Variants in OPRM1 observed in about 807,000 individuals in gnomAD.
The protein encoded by OPRM1 is mu-type opioid receptor.
In OPRM1, 27 loss-of-function variants were observed where a neutral mutation model predicts 31.8. The observed-to-expected ratio is 0.85, with a 90% confidence interval of 0.63 to 1.17. OPRM1 has a LOEUF of 1.17. Ranked by LOEUF, OPRM1 falls within the 50% of genes most tolerant of loss-of-function variation. OPRM1 has a pLI of 0.00. For missense variants in OPRM1, 536 were observed against 511.1 expected (o/e 1.05, Z -0.47); for synonymous variants, 196 against 189.9 (o/e 1.03, Z -0.26).
intron 1 of OPRM1, among the ~76,000 whole-genome samples, chr6:154,080,120 A>G (rs1027645162): frequency 2.6e-5 from 4 of 152,140 alleles, no homozygotes; most frequent in African/African-American, 9.7e-5. Context: ...TCTCATTTAA[A>G]TGTTTAAGAT....
chr6:154,095,609 G>A (rs1289763288), intron 3 of OPRM1, among the ~76,000 whole-genome samples: 7 of 152,126 alleles, frequency 4.6e-5, no homozygotes, highest in South Asian at 4.2e-4. Context: ...TTTCTAACGC[G>A]TACTTTTGAT....
chr6:154,180,040 G>A (rs1421667023), intron 3 of OPRM1, among the ~76,000 whole-genome samples: 2 of 152,174 alleles, frequency 1.3e-5, no homozygotes, highest in Non-Finnish European at 2.9e-5. Context: ...GTCATTGGAA[G>A]AGAAAGCAAC....
chr6:154,151,881 A>T (rs1798507644), intron 3 of OPRM1, among the ~76,000 whole-genome samples: 1 of 152,122 alleles, frequency 6.6e-6, no homozygotes, highest in African/African-American at 2.4e-5. Context: ...GAAGAGAAAC[A>T]ACAAATAGAG....
chr6:154,106,047 T>C (rs1045685725), intron 3 of OPRM1, among the ~76,000 whole-genome samples: 5 of 152,204 alleles, frequency 3.3e-5, no homozygotes, highest in Non-Finnish European at 5.9e-5. Flanking sequence ...TAATACCCCC[T>C]TTTAGCCAAT....
chr6:154,195,081 A>G (rs1304176885), intron 3 of OPRM1, among the ~76,000 whole-genome samples: 1 of 150,868 alleles, frequency 6.6e-6, no homozygotes, highest in Non-Finnish European at 1.5e-5. Context: ...AAACCTTCTT[A>G]TGTCCTGTCT....
At chr6:154,236,181 T>C (rs1033474718) in intron 3 of OPRM1, among the ~76,000 whole-genome samples, 7 of 152,136 alleles carry the variant, frequency 4.6e-5, no homozygotes, top group African/African-American at 1.7e-4. Context: ...AAACAAAATG[T>C]GGTACACACA....
chr6:154,019,280 ATGCAGAGAATT>A (rs1778200904), intron 1 of OPRM1, among the ~76,000 whole-genome samples: 1 of 151,560 alleles, frequency 6.6e-6, no homozygotes, highest in Non-Finnish European at 1.5e-5. Flanking sequence ...AGAGCAGAAA[ATGCAGAGAATT>A]TCCATATGAC....
In OPRM1 at chr6:154,130,242, C is replaced by T. The variant is rs1797819667; in HGVS notation, c.*11521C>T. Among the ~76,000 whole-genome samples, 1 of 149,846 alleles carries T rather than the reference C, an allele frequency of 6.7e-6. No homozygotes were observed. The highest frequency in any genetic ancestry group is 1.5e-5 in the Non-Finnish European group (1 of 67,704). On this transcript the variant is annotated 3_prime_UTR_variant, in exon 4 of 4. Transcript: ENST00000330432. Reference sequence around the variant, plus strand: ...GGAGTGCAGTGGCTCAATCTTGGCTCACTGCAACCTCTGCCTCCCGGGTTC... The same window carrying T: ...GGAGTGCAGTGGCTCAATCTTGGCTTACTGCAACCTCTGCCTCCCGGGTTC...
intron 1 of OPRM1, among the ~76,000 whole-genome samples, chr6:154,062,743 A>G (rs548826640): frequency 2.6e-5 from 4 of 152,190 alleles, no homozygotes; most frequent in African/African-American, 9.6e-5. Context: ...TTTTCCATCA[A>G]TTGGTCCTAA....
intron 1 of OPRM1, among the ~76,000 whole-genome samples, chr6:154,016,400 G>A (rs1778005732): frequency 2.0e-5 from 3 of 152,048 alleles, no homozygotes; most frequent in Admixed American, 2.0e-4. Flanking sequence ...TGTGTAGTGT[G>A]ACAACAATTA....
At chr6:154,198,823 G>C (rs1428555071) in intron 3 of OPRM1, among the ~76,000 whole-genome samples, 1 of 152,132 alleles carries the variant, frequency 6.6e-6, no homozygotes, top group African/African-American at 2.4e-5. Flanking sequence ...ACTCTGGCAA[G>C]TGATTATGAG....
chr6:154,188,095 T>C (rs1480121894), intron 3 of OPRM1, among the ~76,000 whole-genome samples: 1 of 152,196 alleles, frequency 6.6e-6, no homozygotes, highest in East Asian at 1.9e-4. Flanking sequence ...TTTGTAGAAA[T>C]ATGATCATAT....
intron 3 of OPRM1, among the ~76,000 whole-genome samples, chr6:154,233,847 A>G (rs959524718): frequency 6.6e-5 from 10 of 152,172 alleles, no homozygotes; most frequent in Admixed American, 1.3e-4. Flanking sequence ...ACCTGTGCAG[A>G]GGTCCTCGGA....
chr6:154,039,322 AACT>A lies in OPRM1; in HGVS notation c.-218_-216del. Reference sequence around the variant, plus strand: ...GCGGGGCAGGTGATGAGCCTCTGTGAACTACTAAGGTGGGAGGGGGCTATACGC... The same window carrying A: ...GCGGGGCAGGTGATGAGCCTCTGTGAACTAAGGTGGGAGGGGGCTATACGC... On this transcript the variant is annotated 5_prime_UTR_variant, in exon 1 of 4. Transcript: ENST00000330432. 1 of 1,550,502 alleles carries A rather than the reference AACT, an allele frequency of 6.4e-7. No individual in the cohort carries two copies. Among genetic ancestry groups the A allele is most frequent in the Non-Finnish European group, 8.7e-7 (1 of 1,146,404 alleles).
At chr6:154,039,055 G>C (rs1007211834), upstream of OPRM1, 2 of 1,332,532 alleles carry the variant, frequency 1.5e-6, no homozygotes, top group Non-Finnish European at 2.0e-6. Context: ...AGGAGAAAAA[G>C]GCGCTGGAAA....
intron 3 of OPRM1, among the ~76,000 whole-genome samples, chr6:154,238,921 TG>T (rs1435038668): frequency 1.1e-4 from 17 of 151,374 alleles, no homozygotes; most frequent in Admixed American, 1.3e-4. Flanking sequence ...TCTATATTGT[TG>T]TTTTTTTTAA....
chr6:154,012,890 C>G (rs1052267609), intron 1 of OPRM1, among the ~76,000 whole-genome samples: 3 of 152,082 alleles, frequency 2.0e-5, no homozygotes, highest in African/African-American at 4.8e-5. Flanking sequence ...AGGAAGAAAG[C>G]CTTCTTGGGT....
chr6:154,076,603 T>C (rs73572490), intron 1 of OPRM1, among the ~76,000 whole-genome samples: 14,097 of 152,054 alleles, frequency 0.093, 763 homozygotes, highest in South Asian at 0.18. Flanking sequence ...AACTCCAAAA[T>C]CTCCCCTGTA....
intron 3 of OPRM1, among the ~76,000 whole-genome samples, chr6:154,138,351 T>C (rs494328): frequency 0.66 from 100,104 of 152,150 alleles, 33,328 homozygotes; most frequent in East Asian, 0.9. Flanking sequence ...TTCAGTTGAA[T>C]CGCCTGATTG....
Sources: gnomAD v4.1 joint callset for allele counts (sites outside exome capture counted in the v4.1 genomes callset) on GRCh38, gnomAD v4.1.1 for gene constraint, MANE v1.5 for transcripts, NCBI Gene and HGNC (gene_info 2026-07-23, HGNC 2026-07-21) for gene names.